Variants in LRRTM3 observed in about 807,000 individuals in gnomAD.
LRRTM3 encodes leucine-rich repeat transmembrane neuronal protein 3.
A neutral mutation model predicts 44.7 loss-of-function variants in LRRTM3; 24 were observed. The ratio of observed to expected loss-of-function variants is 0.54; its 90% CI spans 0.39 to 0.76. The LOEUF is 0.76. Among genes scored for constraint, LRRTM3 ranks in the 30% least tolerant of loss-of-function variants. The pLI is 0.00. For synonymous variants in LRRTM3, 277 were observed against 278.7 expected, an observed-to-expected ratio of 0.99 and a Z score of 0.06; for missense variants, 587 against 702.2, an observed-to-expected ratio of 0.84 and a Z score of 1.85.
intron 2 of LRRTM3, among the ~76,000 whole-genome samples, chr10:67,034,123 C>G (rs1322450679): frequency 6.6e-6 from 1 of 152,122 alleles, no homozygotes; most frequent in Non-Finnish European, 1.5e-5. Flanking sequence ...AGAACTGCAG[C>G]CAAACCAGTG....
rs543885797 is a variant in LRRTM3, at chr10:67,085,602, C to G, written c.1537-11985C>G. On this transcript the variant is annotated intron_variant, in intron 2 of 2. Coordinates refer to ENST00000361320, the MANE Select transcript of LRRTM3 (RefSeq NM_178011.5). Reference sequence around the variant, plus strand: ...CATAAGAGCTGTATTGTCAGACTTACTTTTAAAGTTTATGTTTGTGTCATA... The same window carrying G: ...CATAAGAGCTGTATTGTCAGACTTAGTTTTAAAGTTTATGTTTGTGTCATA... Among the ~76,000 whole-genome samples the G allele has an allele frequency of 1.7e-3, 261 of 152,000 alleles. 1 individual carries two copies. The highest frequency in any genetic ancestry group is 5.2e-3 in the South Asian group (25 of 4,828).
intron 2 of LRRTM3, among the ~76,000 whole-genome samples, chr10:66,982,404 T>G (rs1355461203): frequency 6.6e-6 from 1 of 152,148 alleles, no homozygotes; most frequent in African/African-American, 2.4e-5. Context: ...AAATCTCAGT[T>G]TTTTCACCTC....
rs747469235 is a variant in LRRTM3, at chr10:66,927,156, A to G, written c.240A>G (p.Gln80=). 18 of 1,614,044 alleles carry G rather than the reference A, an allele frequency of 1.1e-5. No homozygotes were observed. The highest frequency in any genetic ancestry group is 1.6e-4 in the Middle Eastern group (1 of 6,084). Residue 80 remains glutamine (Q), a synonymous_variant, in exon 2 of 3, where the codon CAA becomes CAG. Coordinates refer to ENST00000361320, the MANE Select transcript of LRRTM3 (RefSeq NM_178011.5). This position sits in a 1 kb window ranked among gnomAD's most constrained non-coding sequence, Gnocchi z 4.7. The part of the protein sequence containing the change: ...YNSLQKLKYN[Q]FKGLNQLTWL... ...GCCTTCAAAAACTTAAGTATAATCA[A>G]TTTAAAGGGCTCAACCAGCTCACCT...
intron 2 of LRRTM3, among the ~76,000 whole-genome samples, chr10:67,062,974 T>G (rs1554909190): frequency 2.0e-5 from 3 of 147,172 alleles, no homozygotes; most frequent in South Asian, 2.1e-4. Flanking sequence ...AATCGTTTTG[T>G]TTTTTTTTCT....
chr10:67,067,631 G>A (rs989413018), intron 2 of LRRTM3, among the ~76,000 whole-genome samples: 3 of 152,150 alleles, frequency 2.0e-5, no homozygotes, highest in Non-Finnish European at 4.4e-5. Context: ...TTTCCTTAGA[G>A]TACATCCTAG....
At chr10:67,053,140 T>C (rs1251767149) in intron 2 of LRRTM3, among the ~76,000 whole-genome samples, 1 of 152,224 alleles carries the variant, frequency 6.6e-6, no homozygotes, top group Non-Finnish European at 1.5e-5. Flanking sequence ...TATCATAGTA[T>C]TCTGTTTTCT....
intron 2 of LRRTM3, among the ~76,000 whole-genome samples, chr10:67,017,603 C>T (rs117702706): frequency 3.9e-5 from 6 of 152,184 alleles, no homozygotes; most frequent in Non-Finnish European, 8.8e-5. Flanking sequence ...TATGGCTCTA[C>T]CTACAACACC....
In LRRTM3 at chr10:66,980,664, T is replaced by C. The variant is rs1850375111; in HGVS notation, c.1536+52212T>C. 2.0e-5 allele frequency among the ~76,000 whole-genome samples: 3 copies of C among 152,284 alleles called. No homozygotes were observed. The South Asian group carries it at 6.2e-4, about 32-fold the overall frequency. On this transcript the variant is annotated intron_variant, in intron 2 of 2. Coordinates refer to ENST00000361320, the MANE Select transcript of LRRTM3 (RefSeq NM_178011.5). ...AGCCCGCAATTCTGTTGAAATAAAA[T>C]TTTGTCACTTCAGTTTTCAGTACAA...
chr10:67,030,690 G>C (rs1853663519), intron 2 of LRRTM3, among the ~76,000 whole-genome samples: 1 of 152,092 alleles, frequency 6.6e-6, no homozygotes. Flanking sequence ...TGAGGTAGAA[G>C]AGATAATTTA....
At chr10:67,093,265 T>C (rs1052691360) in intron 2 of LRRTM3, among the ~76,000 whole-genome samples, 1 of 151,944 alleles carries the variant, frequency 6.6e-6, no homozygotes, top group African/African-American at 2.4e-5. Flanking sequence ...AACTAGCTAG[T>C]TCAGACACTT....
Position 66,982,407 on chromosome 10 carries a change from T to G in LRRTM3, c.1536+53955T>G, listed in dbSNP as rs200078214. ...ACTAACTTCTCTAAATCTCAGTTTT[T>G]TCACCTCTAACCAAGGATAATGCAT... On this transcript the variant is annotated intron_variant, in intron 2 of 2. Transcript: ENST00000361320. 5.9e-5 allele frequency among the ~76,000 whole-genome samples: 9 copies of G among 152,300 alleles called. No homozygotes were observed. The East Asian group carries it at 1.7e-3, about 29-fold the overall frequency.
chr10:67,073,538 A>T (rs900819850), intron 2 of LRRTM3, among the ~76,000 whole-genome samples: 4 of 152,160 alleles, frequency 2.6e-5, no homozygotes, highest in Non-Finnish European at 5.9e-5. Flanking sequence ...ATCAACAAAA[A>T]TCCTAGATGC....
chr10:67,074,077 C>T (rs530602269), intron 2 of LRRTM3, among the ~76,000 whole-genome samples: 1,629 of 134,062 alleles, frequency 0.012, 39 homozygotes, highest in African/African-American at 0.043. Context: ...GGCTCTGTCT[C>T]CAGGCTGGAG....
chr10:67,072,506 C>A (rs1341251053), intron 2 of LRRTM3, among the ~76,000 whole-genome samples: 1 of 152,116 alleles, frequency 6.6e-6, no homozygotes, highest in African/African-American at 2.4e-5. Context: ...TATCTTCCAC[C>A]AGAGCAGGTT....
chr10:67,039,337 T>G (rs777564526), intron 2 of LRRTM3, among the ~76,000 whole-genome samples: 1 of 152,160 alleles, frequency 6.6e-6, no homozygotes, highest in Non-Finnish European at 1.5e-5. Context: ...AATAAGTTAT[T>G]TATTCTAAGA....
At chr10:67,071,852 T>C (rs1276882445) in intron 2 of LRRTM3, among the ~76,000 whole-genome samples, 3 of 152,234 alleles carry the variant, frequency 2.0e-5, no homozygotes, top group African/African-American at 7.2e-5. Context: ...ACTTGTATTA[T>C]ACTGTGCCCA....
chr10:67,066,776 A>G (rs901111353), intron 2 of LRRTM3, among the ~76,000 whole-genome samples: 16 of 152,340 alleles, frequency 1.1e-4, no homozygotes, highest in African/African-American at 3.6e-4. Context: ...ATTCGATATT[A>G]TATTTAGTAC....
chr10:67,026,241 T>G (rs1045237337), intron 2 of LRRTM3, among the ~76,000 whole-genome samples: 4 of 151,584 alleles, frequency 2.6e-5, no homozygotes, highest in Non-Finnish European at 4.4e-5. Context: ...ACATGTACCC[T>G]AAAACTTAAA....
intron 2 of LRRTM3, among the ~76,000 whole-genome samples, chr10:66,943,519 C>CTT (rs34477836): frequency 7.1e-6 from 1 of 141,488 alleles, no homozygotes; most frequent in Non-Finnish European, 1.6e-5. Context: ...TTCCCCCACC[C>CTT]TTTTTTTTTT....
Sources: gnomAD v4.1 joint callset for allele counts (sites outside exome capture counted in the v4.1 genomes callset) on GRCh38, gnomAD v4.1.1 for gene constraint, Gnocchi (gnomAD v3.1) non-coding constraint, MANE v1.5 for transcripts, NCBI Gene and HGNC (gene_info 2026-07-23, HGNC 2026-07-21) for gene names.